Variants in ITGA5 observed in about 807,000 individuals in gnomAD.
The protein encoded by ITGA5 is integrin subunit alpha 5, also known as integrin alpha-5.
A neutral mutation model predicts 146.3 loss-of-function variants in ITGA5; 55 were observed. That is an observed-to-expected ratio of 0.38 (90% CI 0.30 to 0.47). The LOEUF (loss-of-function observed/expected upper bound fraction) is 0.47. Among genes scored for constraint, ITGA5 ranks in the 20% least tolerant of loss-of-function variants. The pLI is 0.99. For synonymous variants in ITGA5, 500 were observed against 531.8 expected (o/e 0.94, Z 0.82); for missense variants, 1,131 against 1,329.0 (o/e 0.85, Z 2.32).
At position 54,405,195 on chromosome 12, in the gene ITGA5, A is replaced by T. The variant is rs755787249; in HGVS notation, c.1196T>A (p.Leu399Gln). ...GTAGCCATCCTGGTCCAGGTCCCCC[A>T]GGGGGGTCAAGGAGCTGCCAAATCG... ...FGRFGSSLTP[L>Q]GDLDQDGYND... is the part of the protein sequence containing the mutation. Residue 399 changes from leucine (L) to glutamine (Q), a missense_variant, in exon 12 of 30, where the codon CTG becomes CAG. Coordinates refer to ENST00000293379, the MANE Select transcript of ITGA5 (RefSeq NM_002205.5). 1.2e-6 allele frequency: 2 copies of T among 1,609,508 alleles called. No individual in the cohort carries two copies. Among genetic ancestry groups the T allele is most frequent in the Admixed American group, 1.7e-5 (1 of 59,796 alleles).
Position 54,402,233 on chromosome 12 carries a change from G to A in ITGA5, c.2080C>T (p.Arg694Trp), listed in dbSNP as rs765680909. The change falls in exon 20 of 30, where the codon CGG (arginine) becomes TGG (tryptophan). Residue 694 changes from arginine to tryptophan, a missense_variant. Around this residue, in one of 3 missense-constraint regions of ITGA5, gnomAD observed 889 missense variants for 1,021.5 expected, o/e 0.87. Transcript: ENST00000293379. ...GEGGAYEAEL[R>W]VTAPPEAEYS... The stretch of plus-strand genomic sequence containing the variant: ...TCAGCCTCTGGAGGGGCGGTGACCC[G>A]AAGCTCAGCCTCATAGGCGCCACCC... 12 of 1,614,026 alleles carry A rather than the reference G, an allele frequency of 7.4e-6. No homozygotes were observed. Among genetic ancestry groups the A allele is most frequent in the African/African-American group, 2.7e-5 (2 of 74,914 alleles).
chr12:54,396,364 T>G lies in ITGA5; in HGVS notation c.3079A>C (p.Lys1027Gln), dbSNP rs761442280. The change falls in exon 30 of 30, where the codon AAA becomes CAA. Residue 1027 changes from lysine to glutamine, a missense_variant. By Grantham distance (53) the Lys-to-Gln change is moderately conservative (BLOSUM62 1). Transcript: ENST00000293379. ...IYILYKLGFF[K>Q]RSLPYGTAME... ...GCGGTGCCATATGGGAGGGAGCGTT[T>G]GAAGAATCCAAGCTGATAAAGGGGA... 21 of 1,613,910 alleles carry G rather than the reference T, an allele frequency of 1.3e-5. No homozygotes were observed. The South Asian group carries it at 2.0e-4, about 15-fold the overall frequency.
At chr12:54,418,777 C>A (rs150732821) in intron 1 of ITGA5, among the ~76,000 whole-genome samples, 1 of 152,178 alleles carries the variant, frequency 6.6e-6, no homozygotes, top group Non-Finnish European at 1.5e-5. Context: ...TGATCTCAAA[C>A]GCCAGGGCCC....
chr12:54,403,831 A>G lies in ITGA5; in HGVS notation c.1622-52T>C. 6.2e-7 allele frequency: 1 copy of G among 1,609,922 alleles called. No homozygotes were observed. Among genetic ancestry groups the G allele is most frequent in the Non-Finnish European group, 8.5e-7 (1 of 1,176,540 alleles). ...ACTGCCTGTCTTTCCTCATCTTTTC[A>G]GAGAGAAGAAATGTCCCCAGGTCCC... On this transcript the variant is annotated intron_variant, in intron 16 of 29. Transcript: ENST00000293379. The surrounding 1 kb of genome is among the most constrained non-coding windows in gnomAD (Gnocchi z 4.9).
At chr12:54,404,295 C>G (rs1757817067) in intron 14 of ITGA5, 49 bp from the exon 15 acceptor site, 2 of 1,583,348 alleles carry the variant, frequency 1.3e-6, no homozygotes, top group South Asian at 1.1e-5. Flanking sequence ...CCTCTGTAAC[C>G]TGGACACAGG....
At position 54,396,355 on chromosome 12, in the gene ITGA5, G is replaced by T; in HGVS notation, c.3088C>A (p.Leu1030Ile). ...LYKLGFFKRS[L>I]PYGTAMEKAQ... ...TTTTCCATGGCGGTGCCATATGGGA[G>T]GGAGCGTTTGAAGAATCCAAGCTGA... The change falls in exon 30 of 30, where the codon CTC (leucine) becomes ATC (isoleucine). Residue 1030 changes from leucine (L) to isoleucine (I), a missense_variant. Around this residue, in one of 3 missense-constraint regions of ITGA5, gnomAD observed 889 missense variants for 1,021.5 expected, o/e 0.87. Transcript: ENST00000293379. The T allele has an allele frequency of 6.2e-7, 1 of 1,614,042 alleles. No homozygotes were observed. Among genetic ancestry groups the T allele is most frequent in the African/African-American group, 1.3e-5 (1 of 75,054 alleles).
At position 54,411,860 on chromosome 12, in the gene ITGA5, C is replaced by T; in HGVS notation, c.323G>A (p.Cys108Tyr). 1 of 1,569,934 alleles carries T rather than the reference C, an allele frequency of 6.4e-7. No homozygotes were observed. The highest frequency in any genetic ancestry group is 2.4e-5 in the East Asian group (1 of 41,316). ...LCPWGASPTQ[C>Y]TPIEFDSKGS... The stretch of plus-strand genomic sequence containing the variant: ...TTTGCTGTCAAATTCAATGGGGGTG[C>T]ACTGTGTGGGGCTGGCACCCCAAGG... Residue 108 changes from cysteine to tyrosine, a missense_variant, in exon 2 of 30, where the codon TGC becomes TAC. Around this residue, in one of 3 missense-constraint regions of ITGA5, gnomAD observed 175 missense variants for 179.3 expected, o/e 0.98. Coordinates refer to ENST00000293379, the MANE Select transcript of ITGA5 (RefSeq NM_002205.5).
At position 54,408,160 on chromosome 12, in the gene ITGA5, C is replaced by T; in HGVS notation, c.767G>A (p.Gly256Glu). 7 of 1,614,078 alleles carry T rather than the reference C, an allele frequency of 4.3e-6. No individual in the cohort carries two copies. Among genetic ancestry groups the T allele is most frequent in the Non-Finnish European group, 5.9e-6 (7 of 1,180,016 alleles). The change falls in exon 7 of 30, where the codon GGG becomes GAG. Residue 256 changes from glycine to glutamate, a missense_variant. Coordinates refer to ENST00000293379, the MANE Select transcript of ITGA5 (RefSeq NM_002205.5). ...YPEYLINLVQ[G>E]QLQTRQASSI... is the part of the protein sequence containing the mutation. Reference sequence around the variant, plus strand: ...ACTGGCCTGGCGAGTCTGCAGCTGCCCCTGAACCAGGTTGATCAGGTACTC... The same window carrying T: ...ACTGGCCTGGCGAGTCTGCAGCTGCTCCTGAACCAGGTTGATCAGGTACTC...
chr12:54,396,543 C>T (rs187522006), intron 29 of ITGA5, among the ~76,000 whole-genome samples, 167 bp from the exon 30 acceptor site: 53 of 152,298 alleles, frequency 3.5e-4, no homozygotes, highest in African/African-American at 1.2e-3. Flanking sequence ...GTGCAATGGA[C>T]CCAGGAGGAC....
Position 54,409,831 on chromosome 12 carries a change from C to T in ITGA5, c.350-234G>A, listed in dbSNP as rs1955918796. 2 of 423,726 alleles carry T rather than the reference C, an allele frequency of 4.7e-6. No homozygotes were observed. The highest frequency in any genetic ancestry group is 8.5e-6 in the Non-Finnish European group (2 of 235,270). 26.2% of individuals were successfully genotyped at this position (423,726 alleles called of 1,614,324 possible). A position where few individuals can be genotyped will look rare whatever the true frequency, so the allele number is the denominator to read the frequency against. ...ACATACACACACACACATACATACA[C>T]ACGCACGCACACGCACACAGAACCT... is the stretch of plus-strand genomic sequence containing the variant. On this transcript the variant is annotated intron_variant, in intron 2 of 29. Coordinates refer to ENST00000293379, the MANE Select transcript of ITGA5 (RefSeq NM_002205.5). The surrounding 1 kb of genome is among the most constrained non-coding windows in gnomAD (Gnocchi z 4.7).
At chr12:54,408,020 C>T in intron 7 of ITGA5, 90 bp downstream of exon 7, 4 of 1,563,166 alleles carry the variant, frequency 2.6e-6, no homozygotes, top group Non-Finnish European at 3.5e-6. Context: ...CTGGGGATGC[C>T]TGAGTAGGAG....
intron 1 of ITGA5, among the ~76,000 whole-genome samples, chr12:54,418,135 A>T (rs1956029293): frequency 1.3e-5 from 2 of 151,350 alleles, no homozygotes; most frequent in South Asian, 4.2e-4. Context: ...GCACAGCTCC[A>T]GCCGACCAGC....
At chr12:54,400,729 C>A in intron 25 of ITGA5, 117 bp downstream of exon 25, 4 of 1,020,604 alleles carry the variant, frequency 3.9e-6, no homozygotes, top group Non-Finnish European at 4.3e-6. Flanking sequence ...GACCCTCAAC[C>A]CTAGCTATAG....
Position 54,409,714 on chromosome 12 carries a change from A to T in ITGA5, c.350-117T>A. 6.3e-6 allele frequency: 4 copies of T among 634,924 alleles called. No individual in the cohort carries two copies. Among genetic ancestry groups the T allele is most frequent in the Non-Finnish European group, 1.1e-5 (4 of 363,054 alleles). The allele number at this position is 634,924 out of a possible 1,614,324, so 39.3% of individuals were successfully genotyped here. ...CGCTTCCAAGCCCTGAGACTCCATG[A>T]CTCGCTGGGAGTGTGGAATTGGTAA... On this transcript the variant is annotated intron_variant, in intron 2 of 29. Coordinates refer to ENST00000293379, the MANE Select transcript of ITGA5 (RefSeq NM_002205.5). The surrounding 1 kb of genome is among the most constrained non-coding windows in gnomAD (Gnocchi z 4.7).
intron 1 of ITGA5, 34 bp downstream of exon 1, chr12:54,418,947 C>T (rs781545579): frequency 5.6e-6 from 9 of 1,607,876 alleles, no homozygotes; most frequent in South Asian, 1.1e-5. Flanking sequence ...GCGGCTCCCC[C>T]ACCCCCATCC....
In ITGA5 at chr12:54,401,926, T is replaced by C; in HGVS notation, c.2227-71A>G. The C allele has an allele frequency of 6.3e-7, 1 of 1,594,340 alleles. No individual in the cohort carries two copies. The highest frequency in any genetic ancestry group is 1.1e-5 in the South Asian group (1 of 90,666). Reference sequence around the variant, plus strand: ...TCACCCTCCCTCCGCACCTCACAGCTGTGCTCTCGGCTGGCTGGTTACCGC... The same window carrying C: ...TCACCCTCCCTCCGCACCTCACAGCCGTGCTCTCGGCTGGCTGGTTACCGC... On this transcript the variant is annotated intron_variant, in intron 21 of 29. Transcript: ENST00000293379. This position sits in a 1 kb window ranked among gnomAD's most constrained non-coding sequence, Gnocchi z 5.0.
At chr12:54,413,588 C>T (rs1955973366) in intron 1 of ITGA5, among the ~76,000 whole-genome samples, 1 of 152,328 alleles carries the variant, frequency 6.6e-6, no homozygotes, top group Middle Eastern at 3.4e-3. Context: ...GGCATGACAT[C>T]CACTTGTGGG....
At chr12:54,399,085 G>C (rs1955752120) in intron 27 of ITGA5, among the ~76,000 whole-genome samples, 1 of 151,964 alleles carries the variant, frequency 6.6e-6, no homozygotes, top group African/African-American at 2.4e-5. Context: ...GGGCTCAAGG[G>C]ATCCGCCAAC....
At chr12:54,407,209 T>C (rs973640470) in intron 9 of ITGA5, among the ~76,000 whole-genome samples, 3 of 152,264 alleles carry the variant, frequency 2.0e-5, no homozygotes, top group African/African-American at 7.2e-5. Flanking sequence ...TGGGGTATGA[T>C]ACCTTATTCA....
Sources: gnomAD v4.1 joint callset for allele counts (sites outside exome capture counted in the v4.1 genomes callset) on GRCh38, gnomAD v4.1.1 for gene constraint, gnomAD v4.1.1 regional missense constraint, Gnocchi (gnomAD v3.1) non-coding constraint, MANE v1.5 for transcripts, NCBI Gene and HGNC (gene_info 2026-07-23, HGNC 2026-07-21) for gene names.